The following KSR1 variants were observed in gnomAD, a reference collection of about 807,000 sequenced individuals.
The protein encoded by KSR1 is kinase suppressor of ras.
A neutral mutation model predicts 92.9 loss-of-function variants in KSR1; 35 were observed. That is an observed-to-expected ratio of 0.38 (90% CI 0.29 to 0.50). The LOEUF (loss-of-function observed/expected upper bound fraction) is 0.50. KSR1 is among the 20% of genes least tolerant of loss of function. The probability of loss-of-function intolerance (pLI) is 0.94; values close to 1 mark genes in which losing one functional copy is unlikely to be tolerated. For missense variants in KSR1, 972 were observed against 1,158.5 expected (o/e 0.84, Z 2.34); for synonymous variants, 467 against 472.6 (o/e 0.99, Z 0.15).
At chr17:27,496,187 A>C (rs888676592) in intron 1 of KSR1, among the ~76,000 whole-genome samples, 1 of 152,166 alleles carries the variant, frequency 6.6e-6, no homozygotes, top group Non-Finnish European at 1.5e-5. Context: ...TTTGAGTAAG[A>C]GAGTGAGGCC....
chr17:27,488,888 C>T (rs368010795), intron 1 of KSR1, among the ~76,000 whole-genome samples: 1 of 152,186 alleles, frequency 6.6e-6, no homozygotes, highest in Non-Finnish European at 1.5e-5. Context: ...TGCTTGAACC[C>T]GGGAGGCGGA....
intron 19 of KSR1, among the ~76,000 whole-genome samples, chr17:27,619,776 A>G (rs537039208): frequency 5.2e-4 from 74 of 142,426 alleles, no homozygotes; most frequent in African/African-American, 1.8e-3. Flanking sequence ...ACAGTGGTGC[A>G]ATCTCGACTC....
chr17:27,593,099 C>T (rs914122689), intron 9 of KSR1, among the ~76,000 whole-genome samples: 2 of 152,216 alleles, frequency 1.3e-5, no homozygotes, highest in Admixed American at 1.3e-4. Context: ...TGGCAGCCAC[C>T]GAGCAAGGCT....
intron 2 of KSR1, among the ~76,000 whole-genome samples, chr17:27,553,438 C>T (rs778133037): frequency 4.6e-5 from 7 of 152,198 alleles, no homozygotes; most frequent in Non-Finnish European, 1.0e-4. Context: ...ACAGAGAGGG[C>T]GGCACACCAG....
intron 1 of KSR1, among the ~76,000 whole-genome samples, chr17:27,467,046 C>T (rs1375625415): frequency 6.6e-6 from 1 of 152,236 alleles, no homozygotes; most frequent in Admixed American, 6.5e-5. Context: ...ATTTACTTTT[C>T]ACAACACCCT....
chr17:27,494,893 A>G (rs2068934854), intron 1 of KSR1, among the ~76,000 whole-genome samples: 1 of 152,156 alleles, frequency 6.6e-6, no homozygotes, highest in Admixed American at 6.5e-5. Flanking sequence ...TGTGCCTGGG[A>G]GGCGGCCCTG....
chr17:27,532,431 G>A (rs1435210922), intron 1 of KSR1, among the ~76,000 whole-genome samples: 1 of 152,254 alleles, frequency 6.6e-6, no homozygotes, highest in African/African-American at 2.4e-5. Context: ...TGCTCTGTGA[G>A]GCCACCCTGT....
At chr17:27,471,889 G>C (rs976616872) in intron 1 of KSR1, 3 of 152,290 alleles carry the variant, frequency 2.0e-5, no homozygotes, top group African/African-American at 7.2e-5. Context: ...GGTGTGTAGG[G>C]ACTTGGGAAA....
rs376685521 is a variant in KSR1 at position 27,550,682 on chromosome 17, T to G, written c.346T>G (p.Phe116Val). 7 of 763,556 alleles carry G rather than the reference T, an allele frequency of 9.2e-6. No homozygotes were observed. The highest frequency in any genetic ancestry group is 7.3e-5 in the East Asian group (3 of 41,262). 47.3% of individuals were successfully genotyped at this position (763,556 alleles called of 1,614,324 possible). ...CCGCTTCAGCGACTGGCTGTACACT[T>G]TCAACGTGAGGCCGGAGGTGGTGCA... The part of the protein sequence containing the change: ...YPRFSDWLYT[F>V]NVRPEVVQEI... Residue 116 changes from phenylalanine (F) to valine (V), a missense_variant, in exon 2 of 21, where the codon TTC (phenylalanine) becomes GTC (valine). Coordinates refer to ENST00000644974, the MANE Select transcript of KSR1 (RefSeq NM_001394583.1).
chr17:27,538,425 C>T (rs760774117), intron 1 of KSR1, among the ~76,000 whole-genome samples: 1 of 152,172 alleles, frequency 6.6e-6, no homozygotes, highest in Non-Finnish European at 1.5e-5. Context: ...CAAGATCTGT[C>T]CCATGCTTTC....
intron 1 of KSR1, among the ~76,000 whole-genome samples, chr17:27,496,513 C>T (rs1490370210): frequency 1.3e-5 from 2 of 152,184 alleles, no homozygotes; most frequent in Non-Finnish European, 2.9e-5. Flanking sequence ...GTCCTCTTTC[C>T]TCACCTCTCC....
At chr17:27,563,274 T>C (rs1039315587) in intron 2 of KSR1, among the ~76,000 whole-genome samples, 1 of 152,148 alleles carries the variant, frequency 6.6e-6, no homozygotes, top group African/African-American at 2.4e-5. Flanking sequence ...TTTCCTTTCC[T>C]TTCCATTTTC....
chr17:27,559,268 C>T lies in KSR1; in HGVS notation c.372+8560C>T, dbSNP rs887621465. Among the ~76,000 whole-genome samples the T allele has an allele frequency of 2.6e-5, 4 of 152,208 alleles. No homozygotes were observed. The highest frequency in any genetic ancestry group is 4.4e-5 in the Non-Finnish European group (3 of 68,034). On this transcript the variant is annotated intron_variant, in intron 2 of 20. Transcript: ENST00000644974. This position sits in a 1 kb window ranked among gnomAD's most constrained non-coding sequence, Gnocchi z 4.2. ...ACCTGAGTCAGATGCCAGCCCTCTG[C>T]GGCTCCGAGCCTGCTGCGGCGCTGC...
chr17:27,592,301 C>G (rs1598101719), intron 7 of KSR1, 60 bp from the exon 8 acceptor site: 1 of 1,345,226 alleles, frequency 7.4e-7, no homozygotes, highest in East Asian at 2.3e-5. Flanking sequence ...CAGAGCTACC[C>G]CTGTGTGCCT....
At chr17:27,563,148 C>G (rs1598033914) in intron 2 of KSR1, among the ~76,000 whole-genome samples, 1 of 152,300 alleles carries the variant, frequency 6.6e-6, no homozygotes. Flanking sequence ...TTTCCCCATT[C>G]GCTCCCTATA....
intron 1 of KSR1, among the ~76,000 whole-genome samples, chr17:27,509,294 T>C (rs1209176185): frequency 6.6e-6 from 1 of 151,804 alleles, no homozygotes; most frequent in East Asian, 2.0e-4. Context: ...GAGGATCTTT[T>C]TTTTTTGTTT....
rs548701372 is a variant in KSR1, at chr17:27,543,129, C to T, written c.232-7439C>T. Reference sequence around the variant, plus strand: ...CCCTGTCCACACACCCTGTGGAAGCCGCCCGTGGGAGCTCTCTGTCTAGAC... The same window carrying T: ...CCCTGTCCACACACCCTGTGGAAGCTGCCCGTGGGAGCTCTCTGTCTAGAC... On this transcript the variant is annotated intron_variant, in intron 1 of 20. Transcript: ENST00000644974. 6.6e-5 allele frequency among the ~76,000 whole-genome samples: 10 copies of T among 152,344 alleles called. No individual in the cohort carries two copies. In the East Asian group the frequency reaches 1.9e-3, roughly 29 times the overall value.
At chr17:27,615,397 T>C (rs1259354463) in intron 18 of KSR1, among the ~76,000 whole-genome samples, 2 of 152,248 alleles carry the variant, frequency 1.3e-5, no homozygotes, top group African/African-American at 4.8e-5. Context: ...CTCTTCCACT[T>C]CATCAATTAC....
chr17:27,549,117 T>C (rs2071297085), intron 1 of KSR1, among the ~76,000 whole-genome samples: 1 of 152,192 alleles, frequency 6.6e-6, no homozygotes, highest in African/African-American at 2.4e-5. Context: ...ATGCACAACC[T>C]ATATTTACAG....
Sources: gnomAD v4.1 joint callset for allele counts (sites outside exome capture counted in the v4.1 genomes callset) on GRCh38, gnomAD v4.1.1 for gene constraint, Gnocchi (gnomAD v3.1) non-coding constraint, MANE v1.5 for transcripts, NCBI Gene and HGNC (gene_info 2026-07-23, HGNC 2026-07-21) for gene names.